The following EHD3 variants were observed in gnomAD, a reference collection of about 807,000 sequenced individuals.
EHD3 encodes the protein EH domain containing 3, also known as EH domain-containing protein 3.
In EHD3, 17 loss-of-function variants were observed where a neutral mutation model predicts 43.0. The ratio of observed to expected loss-of-function variants is 0.40; its 90% CI spans 0.27 to 0.59. The LOEUF is 0.59. Among genes scored for constraint, EHD3 ranks in the 20% least tolerant of loss-of-function variants. The pLI is 0.49. For missense variants in EHD3, 594 were observed against 705.6 expected, an observed-to-expected ratio of 0.84 and a Z score of 1.79; for synonymous variants, 313 against 289.5, an observed-to-expected ratio of 1.08 and a Z score of -0.82.
intron 1 of EHD3, among the ~76,000 whole-genome samples, chr2:31,242,805 A>C (rs1404815814): frequency 2.6e-5 from 4 of 151,990 alleles, no homozygotes; most frequent in African/African-American, 7.2e-5. Context: ...CTAAAAATAC[A>C]AAAAATTAGC....
At chr2:31,243,473 T>TTTTTTTTTTTTG (rs1683461753) in intron 1 of EHD3, among the ~76,000 whole-genome samples, 1 of 141,158 alleles carries the variant, frequency 7.1e-6, no homozygotes, top group African/African-American at 2.6e-5. Context: ...TTTTTTTTTT[T>TTTTTTTTTTTTG]GAGACAGAGT....
In EHD3 at chr2:31,260,477, G is replaced by A; in HGVS notation, c.503-33G>A. ...CCAAACCCCTACCCTATACCCCAAA[G>A]GCCCCAGCCCCTGATTGTCCCTCTG... On this transcript the variant is annotated intron_variant, in intron 3 of 5. Coordinates refer to ENST00000322054, the MANE Select transcript of EHD3 (RefSeq NM_014600.3). The surrounding 1 kb of genome is among the most constrained non-coding windows in gnomAD (Gnocchi z 4.6). The A allele has an allele frequency of 6.4e-7, 1 of 1,562,986 alleles. No homozygotes were observed. Among genetic ancestry groups the A allele is most frequent in the Non-Finnish European group, 8.7e-7 (1 of 1,151,108 alleles).
intron 2 of EHD3, among the ~76,000 whole-genome samples, chr2:31,248,340 G>A (rs1027200908): frequency 6.6e-6 from 1 of 152,116 alleles, no homozygotes; most frequent in South Asian, 2.1e-4. Flanking sequence ...CCTCCTCCAG[G>A]AAGCCCTCCC....
chr2:31,255,078 A>G (rs1190709318), intron 3 of EHD3, among the ~76,000 whole-genome samples: 1 of 152,188 alleles, frequency 6.6e-6, no homozygotes, highest in African/African-American at 2.4e-5. Context: ...CTTTCCAGTC[A>G]TCTGGAGCCT....
chr2:31,260,790 C>G lies in EHD3; in HGVS notation c.783C>G (p.Pro261=), dbSNP rs1282038993. ...ACATCGGCTCCTTCTGGTCCCACCC[C>G]CTCCTCATCCCTGACAACCGGAAGC... ...RVYIGSFWSH[P]LLIPDNRKLF... The change falls in exon 4 of 6, where the codon CCC becomes CCG. Residue 261 remains proline (P), a synonymous_variant. Transcript: ENST00000322054. This position sits in a 1 kb window ranked among gnomAD's most constrained non-coding sequence, Gnocchi z 4.6. The G allele has an allele frequency of 4.3e-6, 7 of 1,614,220 alleles. No individual in the cohort carries two copies. Among genetic ancestry groups the G allele is most frequent in the African/African-American group, 2.7e-5 (2 of 75,056 alleles).
chr2:31,234,227 G>C lies in EHD3; in HGVS notation c.-395G>C, dbSNP rs1471124995. The C allele has an allele frequency of 3.9e-6, 1 of 259,712 alleles. No homozygotes were observed. The highest frequency in any genetic ancestry group is 7.5e-6 in the Non-Finnish European group (1 of 133,748). The allele number at this position is 259,712 out of a possible 1,614,324, so 16.1% of individuals were successfully genotyped here. On this transcript the variant is annotated 5_prime_UTR_variant, in exon 1 of 6. Coordinates refer to ENST00000322054, the MANE Select transcript of EHD3 (RefSeq NM_014600.3). ...CCTGAGCCGCCTCGGTCCGGCAGGAGCGGAGCCGAAGCATCCCTTGCTGCA... is the reference window on the plus strand; with the variant it reads ...CCTGAGCCGCCTCGGTCCGGCAGGACCGGAGCCGAAGCATCCCTTGCTGCA...
At chr2:31,265,612 AC>A (rs1423230028) in intron 5 of EHD3, among the ~76,000 whole-genome samples, 1 of 152,080 alleles carries the variant, frequency 6.6e-6, no homozygotes, top group Non-Finnish European at 1.5e-5. Context: ...TGGTTTTAGT[AC>A]CCTGTGCCCT....
intron 3 of EHD3, among the ~76,000 whole-genome samples, chr2:31,259,434 A>G (rs625132): frequency 0.82 from 125,324 of 152,160 alleles, 51,833 homozygotes; most frequent in East Asian, 0.95. Flanking sequence ...TGTATAGACT[A>G]TTGGTCCACC....
chr2:31,250,273 T>C (rs1683610334), intron 3 of EHD3, among the ~76,000 whole-genome samples: 1 of 150,006 alleles, frequency 6.7e-6, no homozygotes, highest in Non-Finnish European at 1.5e-5. Context: ...GTTTTCTTTT[T>C]TTTTTTTTTT....
chr2:31,253,155 C>A (rs1322181781), intron 3 of EHD3, among the ~76,000 whole-genome samples: 1 of 144,730 alleles, frequency 6.9e-6, no homozygotes, highest in Admixed American at 7.0e-5. Context: ...CTTTTACGCA[C>A]ACACCCACTC....
At chr2:31,246,110 A>G (rs1057303639) in intron 2 of EHD3, among the ~76,000 whole-genome samples, 14 of 152,190 alleles carry the variant, frequency 9.2e-5, no homozygotes, top group South Asian at 2.1e-4. Flanking sequence ...GGCTTGGTTT[A>G]TGTTGGGAAT....
chr2:31,239,024 G>A (rs928866198), intron 1 of EHD3, among the ~76,000 whole-genome samples: 34 of 152,174 alleles, frequency 2.2e-4, no homozygotes, highest in Admixed American at 5.9e-4. Flanking sequence ...GGAGTCCATC[G>A]TGAGGGCTAC....
intron 5 of EHD3, among the ~76,000 whole-genome samples, chr2:31,263,891 G>A (rs986397280): frequency 6.6e-6 from 1 of 152,164 alleles, no homozygotes; most frequent in Admixed American, 6.5e-5. Context: ...TTCTAGACTC[G>A]AAAACTTTCA....
chr2:31,244,343 G>C lies in EHD3; in HGVS notation c.297G>C (p.Ala99=), dbSNP rs186876029. The C allele has an allele frequency of 3.1e-6, 5 of 1,614,094 alleles. No homozygotes were observed. The African/African-American group carries it at 5.3e-5, about 17-fold the overall frequency. Residue 99 remains alanine, a synonymous_variant, in exon 2 of 6, where the codon GCG becomes GCC. Coordinates refer to ENST00000322054, the MANE Select transcript of EHD3 (RefSeq NM_014600.3). Reference sequence around the variant, plus strand: ...AGCCCACCACAGACTCCTTCATTGCGGTGATGCAGGGAGACATGGAGGGGA... The same window carrying C: ...AGCCCACCACAGACTCCTTCATTGCCGTGATGCAGGGAGACATGGAGGGGA... The part of the protein sequence containing the change: ...GPEPTTDSFI[A]VMQGDMEGII...
At chr2:31,234,980 T>G in intron 1 of EHD3, 132 bp downstream of exon 1, 1 of 853,984 alleles carries the variant, frequency 1.2e-6, no homozygotes, top group Non-Finnish European at 1.8e-6. Flanking sequence ...GAGATCTGTG[T>G]TTGTGCAGGC....
Position 31,237,554 on chromosome 2 carries a change from G to A in EHD3, c.227+2706G>A, listed in dbSNP as rs181116182. ...CAAGTAGCTGGGGTTACGGGCACCC[G>A]CCAACACGCCTGGCCAATTTTTGTA... On this transcript the variant is annotated intron_variant, in intron 1 of 5. Coordinates refer to ENST00000322054, the MANE Select transcript of EHD3 (RefSeq NM_014600.3). Among the ~76,000 whole-genome samples the A allele has an allele frequency of 5.3e-5, 8 of 152,098 alleles. No individual in the cohort carries two copies. In the East Asian group the frequency reaches 7.7e-4, roughly 15 times the overall value.
At chr2:31,264,604 G>A (rs913985746) in intron 5 of EHD3, among the ~76,000 whole-genome samples, 4 of 134,688 alleles carry the variant, frequency 3.0e-5, no homozygotes, top group South Asian at 4.8e-4. Flanking sequence ...GCGCGATCTC[G>A]GCTCACTGCA....
At position 31,246,834 on chromosome 2, in the gene EHD3, T is replaced by C. The variant is rs566288259; in HGVS notation, c.404+2384T>C. On this transcript the variant is annotated intron_variant, in intron 2 of 5. Transcript: ENST00000322054. Reference sequence around the variant, plus strand: ...TGTAAATAATCCATTCCTGCAAATGTTGTGTGTTGTGTGAAGAAGATCTGA... The same window carrying C: ...TGTAAATAATCCATTCCTGCAAATGCTGTGTGTTGTGTGAAGAAGATCTGA... Among the ~76,000 whole-genome samples, 9 of 152,244 alleles carry C rather than the reference T, an allele frequency of 5.9e-5. No individual in the cohort carries two copies. The South Asian group carries it at 8.3e-4, about 14-fold the overall frequency.
Position 31,266,416 on chromosome 2 carries a change from G to A in EHD3, c.1320G>A (p.Val440=), listed in dbSNP as rs754356061. Residue 440 remains valine (V), a synonymous_variant, in exon 6 of 6, where the codon GTG becomes GTA. Transcript: ENST00000322054. This position sits in a 1 kb window ranked among gnomAD's most constrained non-coding sequence, Gnocchi z 5.1. ...AAGGTATCGATGATGCTGAGTGGGTGGTGGCCAGGGACAAGCCCATGTACG... is the reference window on the plus strand; with the variant it reads ...AAGGTATCGATGATGCTGAGTGGGTAGTGGCCAGGGACAAGCCCATGTACG... ...AGEGIDDAEW[V]VARDKPMYDE... is the part of the protein sequence containing the mutation. 3.1e-6 allele frequency: 5 copies of A among 1,614,026 alleles called. No individual in the cohort carries two copies. The Admixed American group carries it at 5.0e-5, about 16-fold the overall frequency.
Sources: gnomAD v4.1 joint callset for allele counts (sites outside exome capture counted in the v4.1 genomes callset) on GRCh38, gnomAD v4.1.1 for gene constraint, Gnocchi (gnomAD v3.1) non-coding constraint, MANE v1.5 for transcripts, NCBI Gene and HGNC (gene_info 2026-07-23, HGNC 2026-07-21) for gene names.